Variants in GPR173 observed in about 807,000 individuals in gnomAD.
GPR173 encodes the protein G protein-coupled receptor 173, also known as probable G protein-coupled receptor 173.
Under a neutral mutation model 13.9 loss-of-function variants are expected in GPR173, and 2 were observed. The observed-to-expected ratio is 0.14, with a 90% CI of 0.06 to 0.45. The LOEUF is 0.45. Ranked by LOEUF, GPR173 falls within the 20% of genes least tolerant of loss-of-function variation. The probability of loss-of-function intolerance (pLI) is 0.98; values close to 1 mark genes in which losing one functional copy is unlikely to be tolerated. For synonymous variants in GPR173, 131 were observed against 141.0 expected, an observed-to-expected ratio of 0.93 and a Z score of 0.50; for missense variants, 202 against 340.5, an observed-to-expected ratio of 0.59 and a Z score of 3.20.
At chrX:53,051,122 G>A (rs1602086865) in intron 1 of GPR173, among the ~76,000 whole-genome samples, 2 of 112,081 alleles carry the variant, frequency 1.8e-5, no homozygotes, top group African/African-American at 3.2e-5. Context: ...GAGCTGGGGT[G>A]TGGCCCATGC....
At position 53,079,269 on chromosome X, in the gene GPR173, G is replaced by T. The variant is rs782095850; in HGVS notation, c.*1526G>T. ...TAGCCCAAGAGAGCCCCAGAACTGG[G>T]GAAGCCTGACCCATACAGAATGGGG... On this transcript the variant is annotated 3_prime_UTR_variant, in exon 2 of 2. Transcript: ENST00000332582. 2.5e-5 allele frequency: 3 copies of T among 122,396 alleles called. No homozygotes were observed. The highest frequency in any genetic ancestry group is 9.8e-5 in the African/African-American group (3 of 30,559). 10.1% of individuals were successfully genotyped at this position (122,396 alleles called of 1,213,427 possible). A position where few individuals can be genotyped will look rare whatever the true frequency, so the allele number is the denominator to read the frequency against.
intron 1 of GPR173, among the ~76,000 whole-genome samples, chrX:53,074,708 T>C (rs1441730265): frequency 3.3e-5 from 3 of 90,723 alleles, no homozygotes; most frequent in Non-Finnish European, 6.2e-5. Context: ...TATAAATATA[T>C]ATTTATATTT....
At chrX:53,054,734 T>G (rs1386873997) in intron 1 of GPR173, among the ~76,000 whole-genome samples, 2 of 108,145 alleles carry the variant, frequency 1.8e-5, no homozygotes, top group Non-Finnish European at 3.8e-5. Flanking sequence ...TGAGATAGGG[T>G]GGGGGATACC....
At chrX:53,069,994 A>G (rs1932236615) in intron 1 of GPR173, among the ~76,000 whole-genome samples, 1 of 110,688 alleles carries the variant, frequency 9.0e-6, no homozygotes, top group African/African-American at 3.3e-5. Context: ...GATTCTATGT[A>G]CTATACCTGT....
rs1408282533 is a variant in GPR173 at position 53,080,164 on chromosome X, A to G, written c.*2421A>G. The stretch of plus-strand genomic sequence containing the variant: ...GTAATGGCTTCTGGAGGGACTGCTC[A>G]GTCTGGGATGGGAGCCCTTCCTAGG... On this transcript the variant is annotated 3_prime_UTR_variant, in exon 2 of 2. Transcript: ENST00000332582. 1 of 122,138 alleles carries G rather than the reference A, an allele frequency of 8.2e-6. No individual in the cohort carries two copies. The highest frequency in any genetic ancestry group is 3.3e-5 in the African/African-American group (1 of 30,459). The allele number at this position is 122,138 out of a possible 1,213,427, so 10.1% of individuals were successfully genotyped here. A position where few individuals can be genotyped will look rare whatever the true frequency, so the allele number is the denominator to read the frequency against.
At chrX:53,056,246 G>A (rs1208856064) in intron 1 of GPR173, among the ~76,000 whole-genome samples, 3 of 110,065 alleles carry the variant, frequency 2.7e-5, no homozygotes, top group Non-Finnish European at 3.8e-5. Flanking sequence ...ATATGAGAAC[G>A]GGAGTATTTA....
chrX:53,064,150 T>TA lies in GPR173; in HGVS notation c.-97-12374dup, dbSNP rs1388041348. On this transcript the variant is annotated intron_variant, in intron 1 of 1. Transcript: ENST00000332582. ...CCATATTCTTTCAACCTCTACCCATTACCCAGTTCCAAAGCCACTTCCACA... is the reference window on the plus strand; with the variant it reads ...CCATATTCTTTCAACCTCTACCCATTAACCCAGTTCCAAAGCCACTTCCACA... Among the ~76,000 whole-genome samples, 5 of 111,558 alleles carry TA rather than the reference T, an allele frequency of 4.5e-5. No homozygotes were observed. The Admixed American group carries it at 4.8e-4, about 11-fold the overall frequency.
At chrX:53,055,050 G>A (rs782810281) in intron 1 of GPR173, among the ~76,000 whole-genome samples, 7 of 109,878 alleles carry the variant, frequency 6.4e-5, no homozygotes, top group Non-Finnish European at 1.3e-4. Flanking sequence ...GGTGGTGTGT[G>A]TGAGACAGTA....
chrX:53,077,853 C>A lies in GPR173; in HGVS notation c.*110C>A. The A allele has an allele frequency of 1.6e-6, 1 of 617,011 alleles. No individual in the cohort carries two copies. The highest frequency in any genetic ancestry group is 2.5e-6 in the Non-Finnish European group (1 of 397,524). The allele number at this position is 617,011 out of a possible 1,213,427, so 50.8% of individuals were successfully genotyped here. ...AGGAGTCCTCCTTTCTGAGCTCCAGCCCCAGCCCCTCGAACCACCTGTAAT... is the reference window on the plus strand; with the variant it reads ...AGGAGTCCTCCTTTCTGAGCTCCAGACCCAGCCCCTCGAACCACCTGTAAT... On this transcript the variant is annotated 3_prime_UTR_variant, in exon 2 of 2. Coordinates refer to ENST00000332582, the MANE Select transcript of GPR173 (RefSeq NM_018969.6).
chrX:53,057,300 C>T (rs781869373), intron 1 of GPR173, among the ~76,000 whole-genome samples: 1 of 108,509 alleles, frequency 9.2e-6, no homozygotes, highest in South Asian at 4.0e-4. Flanking sequence ...GCCTGTAATC[C>T]CAGCTACTCG....
chrX:53,055,891 T>A (rs1405129963), intron 1 of GPR173, among the ~76,000 whole-genome samples: 1 of 56,403 alleles, frequency 1.8e-5, no homozygotes, highest in African/African-American at 1.6e-4. Flanking sequence ...GTATTTGGAG[T>A]GTGTGTGTGT....
At position 53,079,771 on chromosome X, in the gene GPR173, T is replaced by TACACACACAC. The variant is rs112790755; in HGVS notation, c.*2039_*2048dup. ...GGGACAGATACAGCACGTGCATGCA[T>TACACACACAC]ACACACACACACACACACACCACAG... On this transcript the variant is annotated 3_prime_UTR_variant, in exon 2 of 2. Transcript: ENST00000332582. The TACACACACAC allele has an allele frequency of 8.8e-6, 1 of 113,375 alleles. No homozygotes were observed. Among genetic ancestry groups the TACACACACAC allele is most frequent in the Non-Finnish European group, 1.9e-5 (1 of 51,460 alleles). The allele number at this position is 113,375 out of a possible 1,213,427, so 9.3% of individuals were successfully genotyped here.
At chrX:53,068,952 C>CTT (rs144589965) in intron 1 of GPR173, among the ~76,000 whole-genome samples, 60 of 64,880 alleles carry the variant, frequency 9.2e-4, no homozygotes, top group South Asian at 2.7e-3. Context: ...GACCTTGTCT[C>CTT]TTTTTTTTTT....
intron 1 of GPR173, among the ~76,000 whole-genome samples, chrX:53,066,560 T>C (rs1045143116): frequency 1.0e-4 from 11 of 109,193 alleles, no homozygotes; most frequent in South Asian, 4.0e-4. Context: ...CCCAGCTACT[T>C]GGGAGGCAGA....
intron 1 of GPR173, among the ~76,000 whole-genome samples, chrX:53,073,705 T>G (rs960072692): frequency 4.0e-5 from 4 of 100,235 alleles, no homozygotes; most frequent in Middle Eastern, 0.01. Context: ...CTCCTGCCTT[T>G]GTGGAGCTTT....
At chrX:53,049,696 G>C (rs1055144611) in intron 1 of GPR173, among the ~76,000 whole-genome samples, 13 of 112,048 alleles carry the variant, frequency 1.2e-4, no homozygotes, top group African/African-American at 3.9e-4. Flanking sequence ...TGTCCCATGA[G>C]AAAGGGAACC....
chrX:53,069,275 A>C (rs1160138258), intron 1 of GPR173, among the ~76,000 whole-genome samples: 2 of 109,219 alleles, frequency 1.8e-5, no homozygotes, highest in Non-Finnish European at 3.8e-5. Flanking sequence ...TTTCTCTTAA[A>C]AAAAAAAAAA....
At chrX:53,074,120 A>AT (rs1556805316) in intron 1 of GPR173, among the ~76,000 whole-genome samples, 1 of 90,965 alleles carries the variant, frequency 1.1e-5, no homozygotes, top group African/African-American at 4.4e-5. Flanking sequence ...ACATTTATAT[A>AT]AATATATATA....
Position 53,077,562 on chromosome X carries a change from C to G in GPR173, c.941C>G (p.Ala314Gly). ...VACYWRVFVK[A>G]CAVPHRYLAT... ...TGCTACTGGCGAGTGTTTGTGAAAG[C>G]CTGTGCTGTGCCCCACCGCTACCTG... The change falls in exon 2 of 2, where the codon GCC becomes GGC. Residue 314 changes from alanine to glycine, a missense_variant. Around this residue, in one of 3 missense-constraint regions of GPR173, gnomAD observed 76 missense variants for 116.3 expected, o/e 0.65. Transcript: ENST00000332582. 1.7e-6 allele frequency: 2 copies of G among 1,211,297 alleles called. No individual in the cohort carries two copies. Among genetic ancestry groups the G allele is most frequent in the Non-Finnish European group, 2.2e-6 (2 of 894,954 alleles).
Sources: gnomAD v4.1 joint callset for allele counts (sites outside exome capture counted in the v4.1 genomes callset) on GRCh38, gnomAD v4.1.1 for gene constraint, gnomAD v4.1.1 regional missense constraint, MANE v1.5 for transcripts, NCBI Gene and HGNC (gene_info 2026-07-23, HGNC 2026-07-21) for gene names.